Variants in TLN2 observed in about 807,000 individuals in gnomAD.
TLN2 encodes talin 2.
A neutral mutation model predicts 294.7 loss-of-function variants in TLN2; 118 were observed. That is an observed-to-expected ratio of 0.40 (90% CI 0.34 to 0.47). The LOEUF (loss-of-function observed/expected upper bound fraction) is 0.47, where lower values mean the gene tolerates loss of function less well. TLN2 is among the 20% of genes least tolerant of loss of function. The pLI is 0.84. For missense variants in TLN2, 3,083 were observed against 3,282.2 expected (o/e 0.94, Z 1.48); for synonymous variants, 1,431 against 1,304.5 (o/e 1.10, Z -2.09).
chr15:62,757,768 T>C (rs1379855722), intron 37 of TLN2, among the ~76,000 whole-genome samples: 1 of 152,112 alleles, frequency 6.6e-6, no homozygotes, highest in Non-Finnish European at 1.5e-5. Context: ...TGGCGCACCC[T>C]GGGAACGAGG....
intron 1 of TLN2, among the ~76,000 whole-genome samples, chr15:62,455,851 C>G (rs967226644): frequency 6.6e-6 from 1 of 152,182 alleles, no homozygotes; most frequent in African/African-American, 2.4e-5. Context: ...CGAGCCAGTA[C>G]CCCTTCTCTA....
At chr15:62,781,825 GTTTT>G (rs750132794) in intron 44 of TLN2, among the ~76,000 whole-genome samples, 3 of 152,106 alleles carry the variant, frequency 2.0e-5, no homozygotes, top group African/African-American at 7.2e-5. Flanking sequence ...GGTTTTTGTT[GTTTT>G]GTTTGTTTGT....
intron 3 of TLN2, chr15:62,645,191 A>G (rs1476094392): frequency 1.3e-5 from 2 of 153,470 alleles, no homozygotes; most frequent in Admixed American, 6.4e-5. Flanking sequence ...AACTAGGCCT[A>G]TAAAGAGAGG....
At chr15:62,433,197 C>T (rs1249295337) in intron 1 of TLN2, among the ~76,000 whole-genome samples, 1 of 151,996 alleles carries the variant, frequency 6.6e-6, no homozygotes, top group Admixed American at 6.6e-5. Context: ...CCAGCCTGGG[C>T]GTTTCATTCA....
At chr15:62,704,995 T>G (rs764407950) in intron 19 of TLN2, among the ~76,000 whole-genome samples, 1 of 152,246 alleles carries the variant, frequency 6.6e-6, no homozygotes, top group Non-Finnish European at 1.5e-5. Flanking sequence ...CAAGGAAGGT[T>G]AAGGAGAAAG....
chr15:62,738,489 C>A (rs769150459), intron 30 of TLN2, among the ~76,000 whole-genome samples, 156 bp downstream of exon 30: 2 of 152,194 alleles, frequency 1.3e-5, no homozygotes, highest in African/African-American at 2.4e-5. Context: ...GTTTTGCTGT[C>A]TGATCAACAA....
chr15:62,834,627 T>C (rs1249905474), intron 55 of TLN2: 1 of 152,254 alleles, frequency 6.6e-6, no homozygotes, highest in Non-Finnish European at 1.5e-5. Flanking sequence ...TATTGGTCCA[T>C]GTCCGTCTCC....
At chr15:62,399,610 T>C (rs2032865848) in intron 1 of TLN2, among the ~76,000 whole-genome samples, 1 of 152,248 alleles carries the variant, frequency 6.6e-6, no homozygotes, top group Admixed American at 6.5e-5. Flanking sequence ...ACCTCTTGCA[T>C]CAGTGTAATG....
intron 1 of TLN2, among the ~76,000 whole-genome samples, chr15:62,570,010 C>T (rs1005126072): frequency 6.6e-5 from 10 of 152,036 alleles, no homozygotes; most frequent in African/African-American, 7.3e-5. Context: ...GATAACTGTC[C>T]TCTCTCTTCC....
chr15:62,740,927 T>G (rs909498990), intron 32 of TLN2, among the ~76,000 whole-genome samples, 158 bp downstream of exon 32: 3 of 152,218 alleles, frequency 2.0e-5, no homozygotes, highest in Non-Finnish European at 4.4e-5. Flanking sequence ...CTCTGATATT[T>G]TATAAAACTG....
rs776458598 is a variant in TLN2 at position 62,792,775 on chromosome 15, C to A, written c.5871C>A (p.Ala1957=). ...GGGAGCTGATCGAATGCGCCCGTGCCGTCACGGAAAAGGTAAGGAGCAGCC... is the reference window on the plus strand; with the variant it reads ...GGGAGCTGATCGAATGCGCCCGTGCAGTCACGGAAAAGGTAAGGAGCAGCC... ...TKRELIECAR[A]VTEKVSLVLS... is the part of the protein sequence containing the mutation. Residue 1957 remains alanine (A), a synonymous_variant, in exon 46 of 59, where the codon GCC becomes GCA. Coordinates refer to ENST00000636159, the MANE Select transcript of TLN2 (RefSeq NM_015059.3). 13 of 1,613,968 alleles carry A rather than the reference C, an allele frequency of 8.1e-6. 1 individual carries two copies. The highest frequency in any genetic ancestry group is 3.3e-4 in the Middle Eastern group (2 of 6,052).
At chr15:62,581,897 A>C (rs530086063) in intron 1 of TLN2, among the ~76,000 whole-genome samples, 1 of 152,082 alleles carries the variant, frequency 6.6e-6, no homozygotes, top group Admixed American at 6.5e-5. Context: ...TACAAAAATT[A>C]GCCGGGCGTA....
At chr15:62,753,326 A>G (rs2062039409) in intron 35 of TLN2, among the ~76,000 whole-genome samples, 1 of 152,194 alleles carries the variant, frequency 6.6e-6, no homozygotes, top group Non-Finnish European at 1.5e-5. Context: ...ACCCTAGGAC[A>G]GGGCAGGCTC....
intron 1 of TLN2, among the ~76,000 whole-genome samples, chr15:62,530,016 C>T (rs905273665): frequency 1.3e-5 from 2 of 152,100 alleles, no homozygotes; most frequent in Admixed American, 1.3e-4. Flanking sequence ...ACTGGTGAAA[C>T]CCCTTCTCTA....
chr15:62,498,395 C>G (rs2039130122), intron 1 of TLN2, among the ~76,000 whole-genome samples: 1 of 152,120 alleles, frequency 6.6e-6, no homozygotes, highest in South Asian at 2.1e-4. Context: ...CAAGGGTTGA[C>G]TTGCCTGTTG....
intron 23 of TLN2, among the ~76,000 whole-genome samples, chr15:62,716,897 A>T (rs1417062889): frequency 1.3e-5 from 2 of 151,876 alleles, no homozygotes; most frequent in Non-Finnish European, 2.9e-5. Context: ...TGAAATAATT[A>T]TTCTGAAAAA....
chr15:62,616,503 G>A (rs991152233), intron 2 of TLN2, among the ~76,000 whole-genome samples: 2 of 152,110 alleles, frequency 1.3e-5, no homozygotes, highest in Admixed American at 6.5e-5. Context: ...ATCATGAATC[G>A]CTGCAGCCTC....
At chr15:62,818,833 T>TC (rs1283687838) in intron 52 of TLN2, among the ~76,000 whole-genome samples, 1 of 90,264 alleles carries the variant, frequency 1.1e-5, no homozygotes, top group Admixed American at 1.5e-4. Flanking sequence ...GCATGTTCTT[T>TC]TTTTTTTTAT....
At chr15:62,613,862 A>C (rs184028543) in intron 2 of TLN2, among the ~76,000 whole-genome samples, 1 of 152,280 alleles carries the variant, frequency 6.6e-6, no homozygotes, top group East Asian at 1.9e-4. Flanking sequence ...CAAAAAAAAA[A>C]AAAAAGAGTG....
Sources: allele counts gnomAD v4.1 joint callset (sites outside exome capture counted in the v4.1 genomes callset), GRCh38; gene constraint gnomAD v4.1.1; transcripts MANE v1.5; gene names NCBI Gene and HGNC (gene_info 2026-07-23, HGNC 2026-07-21).